The following SDK2 variants were observed in gnomAD, a reference collection of about 807,000 sequenced individuals.
SDK2 encodes the protein sidekick cell adhesion molecule 2.
SDK2 carries 105 observed loss-of-function variants against 253.9 expected under a neutral mutation model. The ratio of observed to expected loss-of-function variants is 0.41; its 90% CI spans 0.35 to 0.49. The LOEUF is 0.49. SDK2 is among the 20% of genes least tolerant of loss of function. The pLI is 0.06. For synonymous variants in SDK2, 1,249 were observed against 1,234.9 expected, an observed-to-expected ratio of 1.01 and a Z score of -0.24; for missense variants, 2,608 against 3,003.0, an observed-to-expected ratio of 0.87 and a Z score of 3.07.
At chr17:73,506,630 A>G (rs565723994) in intron 2 of SDK2, among the ~76,000 whole-genome samples, 13 of 152,344 alleles carry the variant, frequency 8.5e-5, no homozygotes, top group African/African-American at 3.1e-4. Context: ...CCCCAACAAA[A>G]CCGATTATGC....
rs60091992 is a variant in SDK2 at position 73,495,619 on chromosome 17, C to CGTGTGTGTGTGTGTGTGT, written c.224+11801_224+11818dup. ...GCTGTTGGATATTGGAGGCCTGCCC[C>CGTGTGTGTGTGTGTGTGT]GTGTGTGTGTGTGTGTGTGTGTGTG... On this transcript the variant is annotated intron_variant, in intron 2 of 44. Transcript: ENST00000392650. 5.3e-3 allele frequency among the ~76,000 whole-genome samples: 791 copies of CGTGTGTGTGTGTGTGTGT among 148,506 alleles called. 5 individuals carry two copies. Among genetic ancestry groups the CGTGTGTGTGTGTGTGTGT allele is most frequent in the African/African-American group, 0.014 (557 of 40,454 alleles).
chr17:73,640,218 G>A (rs546124467), intron 1 of SDK2, among the ~76,000 whole-genome samples: 1 of 140,804 alleles, frequency 7.1e-6, no homozygotes, highest in Non-Finnish European at 1.5e-5. Context: ...AGAGGCAGTC[G>A]ATAAATATTT....
intron 18 of SDK2, among the ~76,000 whole-genome samples, chr17:73,412,677 A>G (rs564048957): frequency 6.6e-6 from 1 of 152,202 alleles, no homozygotes; most frequent in African/African-American, 2.4e-5. Context: ...GCACTCTGGG[A>G]GGCCGAGGCA....
chr17:73,509,743 A>T (rs1216459433), intron 1 of SDK2, among the ~76,000 whole-genome samples: 1 of 150,838 alleles, frequency 6.6e-6, no homozygotes, highest in Non-Finnish European at 1.5e-5. Flanking sequence ...ACGAAAATAC[A>T]AAAGAAATTA....
chr17:73,533,989 G>A lies in SDK2; in HGVS notation c.65-26392C>T, dbSNP rs150886301. 1.6e-4 allele frequency among the ~76,000 whole-genome samples: 25 copies of A among 152,166 alleles called. No homozygotes were observed. In the East Asian group the frequency reaches 3.1e-3, roughly 19 times the overall value. ...GGCAGCAGGAAAAGCACAGTGATGC[G>A]GCAACATCTGCACCTCCGCTTGCAG... On this transcript the variant is annotated intron_variant, in intron 1 of 44. Transcript: ENST00000392650.
chr17:73,388,134 C>T (rs2062890267), intron 29 of SDK2, 97 bp from the exon 30 acceptor site: 1 of 827,208 alleles, frequency 1.2e-6, no homozygotes, highest in South Asian at 1.6e-5. Context: ...GATCTGGGCT[C>T]AGGCCTGGCA....
chr17:73,474,598 G>A (rs1165666640), intron 2 of SDK2, among the ~76,000 whole-genome samples: 1 of 152,206 alleles, frequency 6.6e-6, no homozygotes, highest in Non-Finnish European at 1.5e-5. Context: ...GCTACTGTGC[G>A]CAGTGTGATG....
chr17:73,437,509 G>A (rs551410095), intron 8 of SDK2, among the ~76,000 whole-genome samples: 1 of 152,244 alleles, frequency 6.6e-6, no homozygotes, highest in South Asian at 2.1e-4. Flanking sequence ...TGTAAGTTGG[G>A]TTCATTTGTA....
intron 5 of SDK2, among the ~76,000 whole-genome samples, chr17:73,445,295 T>C (rs1375950105): frequency 6.6e-6 from 1 of 152,230 alleles, no homozygotes; most frequent in Non-Finnish European, 1.5e-5. Context: ...ATAAAATGAA[T>C]GTCAACGATT....
intron 44 of SDK2, among the ~76,000 whole-genome samples, chr17:73,342,439 C>T (rs1486056366): frequency 1.3e-5 from 2 of 152,186 alleles, no homozygotes; most frequent in South Asian, 2.1e-4. Context: ...GATGCTGGGC[C>T]GAGTGAGGCT....
rs373774628 is a variant in SDK2 at position 73,408,046 on chromosome 17, C to CTTTTTTTTTTTTTTTTTT, written c.2485-5906_2485-5905insAAAAAAAAAAAAAAAAAA. ...ACACCATCTAGGAAGTAAAATATTT[C>CTTTTTTTTTTTTTTTTTT]CTTTTTTTTTTTTTTTTTCTTTTGA... On this transcript the variant is annotated intron_variant, in intron 18 of 44. Coordinates refer to ENST00000392650, the MANE Select transcript of SDK2 (RefSeq NM_001144952.2). Among the ~76,000 whole-genome samples, 3 of 50,950 alleles carry CTTTTTTTTTTTTTTTTTT rather than the reference C, an allele frequency of 5.9e-5. 1 individual carries two copies. The highest frequency in any genetic ancestry group is 1.0e-3 in the South Asian group (2 of 1,948). The allele number at this position is 50,950 out of a possible 152,430, so 33.4% of individuals were successfully genotyped here.
Position 73,358,095 on chromosome 17 carries a change from G to A in SDK2, c.5577C>T (p.Ile1859=), listed in dbSNP as rs754940512. ...GGGGCGCACCTGAAGGTCTGGCCTC[G>A]ATGACGTAGCGGGTGATGGGCCCTT... ...PGKGPITRYV[I]EARPSDEGLW... The change falls in exon 40 of 45, where the codon ATC becomes ATT. Residue 1859 remains isoleucine (I), a synonymous_variant. Coordinates refer to ENST00000392650, the MANE Select transcript of SDK2 (RefSeq NM_001144952.2). The A allele has an allele frequency of 1.1e-5, 17 of 1,613,190 alleles. No homozygotes were observed. Among genetic ancestry groups the A allele is most frequent in the East Asian group, 8.9e-5 (4 of 44,890 alleles).
At chr17:73,393,073 C>T (rs1297138709) in intron 27 of SDK2, among the ~76,000 whole-genome samples, 1 of 151,592 alleles carries the variant, frequency 6.6e-6, no homozygotes, top group Non-Finnish European at 1.5e-5. Context: ...GGTGAAACCC[C>T]AGCTCTACTA....
rs936777117 is a variant in SDK2, at chr17:73,352,764, G to A, written c.5594-127C>T. On this transcript the variant is annotated intron_variant, in intron 40 of 44. Coordinates refer to ENST00000392650, the MANE Select transcript of SDK2 (RefSeq NM_001144952.2). The surrounding 1 kb of genome is among the most constrained non-coding windows in gnomAD (Gnocchi z 4.1). ...GATCCTCCCTGCTCCACACTGAATCGCAGGCCTTGGTCCTCCCTTGAAGTT... is the reference window on the plus strand; with the variant it reads ...GATCCTCCCTGCTCCACACTGAATCACAGGCCTTGGTCCTCCCTTGAAGTT... 1.1e-4 allele frequency: 104 copies of A among 940,778 alleles called. No individual in the cohort carries two copies. Among genetic ancestry groups the A allele is most frequent in the Middle Eastern group, 2.5e-4 (1 of 3,968 alleles). The allele number at this position is 940,778 out of a possible 1,614,324, so 58.3% of individuals were successfully genotyped here. A position where few individuals can be genotyped will look rare whatever the true frequency, so the allele number is the denominator to read the frequency against.
rs1174398206 is a variant in SDK2, at chr17:73,629,342, T to C, written c.64+14683A>G. On this transcript the variant is annotated intron_variant, in intron 1 of 44. Coordinates refer to ENST00000392650, the MANE Select transcript of SDK2 (RefSeq NM_001144952.2). This position sits in a 1 kb window ranked among gnomAD's most constrained non-coding sequence, Gnocchi z 5.0. ...CATGTGCTTAGATGATTCACCGTGG[T>C]TTAAGCTGCTGTTTCCCTCCTGACG... Among the ~76,000 whole-genome samples the C allele has an allele frequency of 6.6e-6, 1 of 152,086 alleles. No homozygotes were observed. Among genetic ancestry groups the C allele is most frequent in the East Asian group, 1.9e-4 (1 of 5,168 alleles).
intron 17 of SDK2, among the ~76,000 whole-genome samples, chr17:73,415,253 T>C (rs1381739812): frequency 6.6e-6 from 1 of 151,896 alleles, no homozygotes; most frequent in Admixed American, 6.6e-5. Context: ...GCCAAGGCTC[T>C]CGGGCCTGGA....
rs144055454 is a variant in SDK2, at chr17:73,365,193, G to A, written c.5305+65C>T. ...CTCATGTGTAGTGGCTGTGATGGGC[G>A]CTGAGATGAGAGCGAGCTTTTGCAA... On this transcript the variant is annotated intron_variant, in intron 38 of 44. Transcript: ENST00000392650. 119 of 1,305,236 alleles carry A rather than the reference G, an allele frequency of 9.1e-5. No homozygotes were observed. The Middle Eastern group carries it at 3.1e-3, about 34-fold the overall frequency. The allele number at this position is 1,305,236 out of a possible 1,614,324, so 80.9% of individuals were successfully genotyped here. A position where few individuals can be genotyped will look rare whatever the true frequency, so the allele number is the denominator to read the frequency against.
intron 17 of SDK2, among the ~76,000 whole-genome samples, chr17:73,415,505 C>A (rs577786874): frequency 6.6e-6 from 1 of 151,908 alleles, no homozygotes; most frequent in Non-Finnish European, 1.5e-5. Flanking sequence ...ACCACCACAC[C>A]AAGCTAGTTC....
At chr17:73,605,780 C>T (rs912602420) in intron 1 of SDK2, among the ~76,000 whole-genome samples, 2 of 152,142 alleles carry the variant, frequency 1.3e-5, no homozygotes, top group Non-Finnish European at 2.9e-5. Context: ...TGCACGTATA[C>T]AACACCAGCC....
Sources: allele counts gnomAD v4.1 joint callset (sites outside exome capture counted in the v4.1 genomes callset), GRCh38; gene constraint gnomAD v4.1.1; non-coding constraint Gnocchi (gnomAD v3.1); transcripts MANE v1.5; gene names NCBI Gene and HGNC (gene_info 2026-07-23, HGNC 2026-07-21).